Variants in MBD5 observed in about 807,000 individuals in gnomAD.
MBD5 encodes methyl-CpG binding domain protein 5, also known as methyl-CpG-binding domain protein 5.
In MBD5, 13 loss-of-function variants were observed where a neutral mutation model predicts 117.3. The ratio of observed to expected loss-of-function variants is 0.11; its 90% CI spans 0.07 to 0.18. The LOEUF is 0.18. MBD5 is among the 10% of genes least tolerant of loss of function. The pLI, the probability that MBD5 is intolerant of heterozygous loss-of-function variation, is 1.00. For synonymous variants in MBD5, 727 were observed against 766.4 expected (o/e 0.95, Z 0.85); for missense variants, 1,879 against 2,093.8 (o/e 0.90, Z 2.00).
intron 7 of MBD5, among the ~76,000 whole-genome samples, chr2:148,468,074 T>A (rs1018179287): frequency 3.9e-5 from 6 of 152,138 alleles, no homozygotes; most frequent in Admixed American, 3.9e-4. Context: ...TCTCAACAGA[T>A]AAAGAGTAAA....
At chr2:148,326,294 G>GA (rs1233723114) in intron 3 of MBD5, among the ~76,000 whole-genome samples, 1 of 152,094 alleles carries the variant, frequency 6.6e-6, no homozygotes, top group East Asian at 1.9e-4. Flanking sequence ...GTGTGGTGCT[G>GA]AAAAAAATGT....
intron 4 of MBD5, among the ~76,000 whole-genome samples, chr2:148,425,106 G>C (rs1559065830): frequency 6.6e-6 from 1 of 151,954 alleles, no homozygotes; most frequent in Non-Finnish European, 1.5e-5. Context: ...CTGGTTTTTT[G>C]AAAAGATCAA....
intron 4 of MBD5, among the ~76,000 whole-genome samples, chr2:148,348,665 A>G (rs1703180176): frequency 6.6e-6 from 1 of 152,040 alleles, no homozygotes; most frequent in Non-Finnish European, 1.5e-5. Context: ...CAGTGTAAGT[A>G]GATTCAATTG....
intron 3 of MBD5, among the ~76,000 whole-genome samples, chr2:148,272,018 A>T (rs1405529197): frequency 6.6e-6 from 1 of 152,180 alleles, no homozygotes; most frequent in South Asian, 2.1e-4. Context: ...TAGATTCCAC[A>T]TGTAAATAAG....
intron 1 of MBD5, among the ~76,000 whole-genome samples, chr2:148,075,346 A>AT (rs1695481206): frequency 6.6e-6 from 1 of 152,206 alleles, no homozygotes; most frequent in African/African-American, 2.4e-5. Flanking sequence ...CCCTGCCACC[A>AT]TATCTCTTTT....
chr2:148,106,266 G>C (rs992056145), intron 1 of MBD5, among the ~76,000 whole-genome samples: 5 of 151,590 alleles, frequency 3.3e-5, no homozygotes, highest in African/African-American at 1.2e-4. Flanking sequence ...GTTAAATTTT[G>C]CTTTAGGTAT....
chr2:148,464,844 A>G (rs1707209659), intron 7 of MBD5, among the ~76,000 whole-genome samples: 1 of 151,054 alleles, frequency 6.6e-6, no homozygotes. Flanking sequence ...GGTGGCTCAT[A>G]CCTTTAGTCT....
At chr2:148,056,775 A>G (rs144038762) in intron 1 of MBD5, among the ~76,000 whole-genome samples, 31 of 151,980 alleles carry the variant, frequency 2.0e-4, no homozygotes, top group African/African-American at 7.5e-4. Flanking sequence ...CGTTTTTTCT[A>G]TTCTCTGGAA....
chr2:148,039,694 A>G (rs1694301318), intron 1 of MBD5, among the ~76,000 whole-genome samples: 1 of 152,122 alleles, frequency 6.6e-6, no homozygotes, highest in African/African-American at 2.4e-5. Context: ...TAATTTCATT[A>G]TCTTCAAGAT....
At chr2:148,098,263 A>G (rs1369200011) in intron 1 of MBD5, among the ~76,000 whole-genome samples, 3 of 152,122 alleles carry the variant, frequency 2.0e-5, no homozygotes, top group African/African-American at 7.2e-5. Context: ...TTGGAGAGGT[A>G]TTTAAGAGGT....
chr2:148,151,721 A>T (rs1299471691), intron 1 of MBD5, among the ~76,000 whole-genome samples: 2 of 152,196 alleles, frequency 1.3e-5, no homozygotes, highest in East Asian at 3.9e-4. Flanking sequence ...TTTCTAGTTG[A>T]TTTGTGTAGA....
At chr2:148,171,234 A>G (rs75795463) in intron 1 of MBD5, among the ~76,000 whole-genome samples, 1 of 152,244 alleles carries the variant, frequency 6.6e-6, no homozygotes, top group African/African-American at 2.4e-5. Flanking sequence ...AATATCCTCA[A>G]CAAAATACTA....
Position 148,483,789 on chromosome 2 carries a change from T to A in MBD5, c.3198T>A (p.Thr1066=), listed in dbSNP as rs1234810807. ...NPLPSFAGSD[T]TFNPLFLPAV... ...TACCAAGCTTTGCAGGCAGTGACAC[T>A]ACTTTTAACCCCCTGTTCCTCCCAG... The change falls in exon 9 of 14, where the codon ACT becomes ACA. Residue 1066 remains threonine, a synonymous_variant. Coordinates refer to ENST00000642680, the MANE Select transcript of MBD5 (RefSeq NM_001378120.1). 1 of 1,550,580 alleles carries A rather than the reference T, an allele frequency of 6.4e-7. No homozygotes were observed. The highest frequency in any genetic ancestry group is 1.2e-5 in the South Asian group (1 of 84,062).
At chr2:148,261,830 C>T (rs1700740839) in intron 3 of MBD5, among the ~76,000 whole-genome samples, 1 of 152,192 alleles carries the variant, frequency 6.6e-6, no homozygotes, top group Non-Finnish European at 1.5e-5. Context: ...TGAATTGAGA[C>T]ATGTGATTCT....
chr2:148,166,835 T>C (rs745437314), intron 1 of MBD5, among the ~76,000 whole-genome samples: 3 of 152,168 alleles, frequency 2.0e-5, no homozygotes, highest in African/African-American at 7.2e-5. Context: ...ATTTCTTTCT[T>C]TTATAACTTC....
chr2:148,447,180 A>G (rs548343943), intron 4 of MBD5, among the ~76,000 whole-genome samples: 44 of 6,632 alleles, frequency 6.6e-3, no homozygotes, highest in African/African-American at 7.4e-3. Context: ...AGGAAGAAGG[A>G]AAGAAAGAAA....
intron 3 of MBD5, among the ~76,000 whole-genome samples, chr2:148,265,601 A>G (rs571520889): frequency 1.3e-5 from 2 of 152,288 alleles, no homozygotes; most frequent in African/African-American, 2.4e-5. Context: ...ATAAATTGCT[A>G]GAAATGCACT....
intron 4 of MBD5, among the ~76,000 whole-genome samples, chr2:148,374,265 A>G (rs2105383107): frequency 6.6e-6 from 1 of 151,802 alleles, no homozygotes; most frequent in Non-Finnish European, 1.5e-5. Flanking sequence ...ACACACACAC[A>G]CACACACACA....
intron 4 of MBD5, among the ~76,000 whole-genome samples, chr2:148,363,948 C>T (rs1033088198): frequency 6.6e-6 from 1 of 152,090 alleles, no homozygotes; most frequent in African/African-American, 2.4e-5. Flanking sequence ...GAGAACTTCC[C>T]CAACCTAGCA....
Sources: allele counts gnomAD v4.1 joint callset (sites outside exome capture counted in the v4.1 genomes callset), GRCh38; gene constraint gnomAD v4.1.1; transcripts MANE v1.5; gene names NCBI Gene and HGNC (gene_info 2026-07-23, HGNC 2026-07-21).